The following CYRIB variants were observed in gnomAD, a reference collection of about 807,000 sequenced individuals.
The protein encoded by CYRIB is CYFIP related Rac1 interactor B.
CYRIB carries 8 observed loss-of-function variants against 44.2 expected under a neutral mutation model. The observed-to-expected ratio is 0.18, with a 90% CI of 0.11 to 0.33. The LOEUF (loss-of-function observed/expected upper bound fraction) is 0.33. Among genes scored for constraint, CYRIB ranks in the 10% least tolerant of loss-of-function variants. The probability of loss-of-function intolerance (pLI) is 1.00; values close to 1 mark genes in which losing one functional copy is unlikely to be tolerated. For missense variants in CYRIB, 185 were observed against 382.8 expected, an observed-to-expected ratio of 0.48 and a Z score of 4.31; for synonymous variants, 131 against 127.2, an observed-to-expected ratio of 1.03 and a Z score of -0.20.
chr8:129,939,940 TCCGCCCCTCATCC>T (rs1254011753), upstream of CYRIB: 1 of 152,102 alleles, frequency 6.6e-6, no homozygotes, highest in Admixed American at 6.5e-5. Context: ...GCCTATCTTC[TCCGCCCCTCATCC>T]CCGCCCCTCC....
At chr8:129,863,005 T>A (rs1356171176) in intron 4 of CYRIB, among the ~76,000 whole-genome samples, 1 of 152,062 alleles carries the variant, frequency 6.6e-6, no homozygotes. Context: ...GCCCAGCAGA[T>A]CCACAAAAAA....
At chr8:129,873,076 A>C (rs932699557) in intron 3 of CYRIB, among the ~76,000 whole-genome samples, 1 of 152,026 alleles carries the variant, frequency 6.6e-6, no homozygotes, top group East Asian at 1.9e-4. Flanking sequence ...CAAATTTTAA[A>C]CTCAACATAT....
At chr8:130,006,848 T>C (rs577213148) in intron 1 of CYRIB, among the ~76,000 whole-genome samples, 44 of 150,910 alleles carry the variant, frequency 2.9e-4, no homozygotes, top group Non-Finnish European at 5.0e-4. Flanking sequence ...ATAAATCCTA[T>C]GTGCACCTTA....
At chr8:129,934,775 TGA>T (rs1211101864) in intron 1 of CYRIB, among the ~76,000 whole-genome samples, 8 of 152,172 alleles carry the variant, frequency 5.3e-5, no homozygotes, top group African/African-American at 1.9e-4. Context: ...CAAACCTTCA[TGA>T]TTTTGCAGGA....
chr8:130,001,525 CTTT>C (rs1325066581), intron 1 of CYRIB, among the ~76,000 whole-genome samples: 1 of 120,344 alleles, frequency 8.3e-6, no homozygotes. Flanking sequence ...AAAATAATTT[CTTT>C]TTTTTTTTTT....
chr8:129,897,399 A>G (rs982062184), intron 2 of CYRIB, among the ~76,000 whole-genome samples: 4 of 152,212 alleles, frequency 2.6e-5, no homozygotes, highest in Middle Eastern at 3.4e-3. Context: ...CCCATTTGTT[A>G]ACATCTCCTC....
chr8:129,904,320 C>T (rs1029821353), intron 1 of CYRIB, among the ~76,000 whole-genome samples, 179 bp downstream of exon 3: 1 of 152,128 alleles, frequency 6.6e-6, no homozygotes, highest in Non-Finnish European at 1.5e-5. Flanking sequence ...GAGATATAAA[C>T]AAACCTGAAA....
chr8:129,993,220 C>T (rs1175828920), intron 1 of CYRIB, among the ~76,000 whole-genome samples: 1 of 151,136 alleles, frequency 6.6e-6, no homozygotes, highest in African/African-American at 2.4e-5. Flanking sequence ...GTGAAACCCC[C>T]GTGCCTACTG....
intron 2 of CYRIB, among the ~76,000 whole-genome samples, chr8:129,970,351 A>G (rs1202612361): frequency 6.6e-6 from 1 of 151,828 alleles, no homozygotes; most frequent in Non-Finnish European, 1.5e-5. Context: ...AGGCTCCAAG[A>G]GTCAATGGTT....
intron 1 of CYRIB, among the ~76,000 whole-genome samples, chr8:130,014,229 C>T (rs963865969): frequency 1.3e-5 from 2 of 152,080 alleles, no homozygotes; most frequent in African/African-American, 4.8e-5. Flanking sequence ...TCCCTTGAGC[C>T]CAGGAGTTCG....
At chr8:129,938,716 A>G (rs1350521592) in intron 1 of CYRIB, among the ~76,000 whole-genome samples, 1 of 152,224 alleles carries the variant, frequency 6.6e-6, no homozygotes, top group Non-Finnish European at 1.5e-5. Context: ...TCAAGGGGCC[A>G]AGTGAGGAGG....
At chr8:129,990,497 C>A (rs555810817) in intron 1 of CYRIB, among the ~76,000 whole-genome samples, 1 of 147,298 alleles carries the variant, frequency 6.8e-6, no homozygotes, top group Non-Finnish European at 1.5e-5. Context: ...TGTGTGTATG[C>A]GTGTGTGTGT....
At chr8:129,976,771 T>C (rs2095938642) in intron 1 of CYRIB, among the ~76,000 whole-genome samples, 2 of 152,158 alleles carry the variant, frequency 1.3e-5, no homozygotes, top group Non-Finnish European at 1.5e-5. Flanking sequence ...AAAAAAGAAA[T>C]AGAATTTCTG....
chr8:129,980,240 AAAAAAAGAAAAG>A (rs1230017708), intron 1 of CYRIB, among the ~76,000 whole-genome samples: 2 of 151,314 alleles, frequency 1.3e-5, no homozygotes, highest in African/African-American at 2.4e-5. Context: ...AAAAAAAAAA[AAAAAAAGAAAAG>A]AAAAAAGAAA....
At chr8:129,896,554 T>C (rs1375305673) in intron 2 of CYRIB, 1 of 152,026 alleles carries the variant, frequency 6.6e-6, no homozygotes, top group Non-Finnish European at 1.5e-5. Flanking sequence ...TCCTTAAAAA[T>C]CCTGATGACC....
intron 10 of CYRIB, among the ~76,000 whole-genome samples, chr8:129,848,955 C>A (rs1333436078): frequency 6.6e-6 from 1 of 152,176 alleles, no homozygotes; most frequent in Non-Finnish European, 1.5e-5. Flanking sequence ...GGATATGACT[C>A]AAAATTCCTT....
At chr8:129,902,183 T>C (rs2135727590) in intron 2 of CYRIB, among the ~76,000 whole-genome samples, 1 of 152,210 alleles carries the variant, frequency 6.6e-6, no homozygotes, top group East Asian at 1.9e-4. Flanking sequence ...TTGTACCAGC[T>C]CTAATAAAAT....
intron 1 of CYRIB, among the ~76,000 whole-genome samples, chr8:129,934,273 T>C (rs1472926739): frequency 1.3e-5 from 2 of 152,118 alleles, no homozygotes; most frequent in African/African-American, 4.8e-5. Flanking sequence ...ATGTTCCTAT[T>C]TCGAGGTGGG....
chr8:129,946,705 G>A (rs16904179), intron 2 of CYRIB, among the ~76,000 whole-genome samples: 10,203 of 152,164 alleles, frequency 0.067, 530 homozygotes, highest in East Asian at 0.26. Flanking sequence ...TATTTCCCCC[G>A]AGTTATAAGG....
Sources: allele counts gnomAD v4.1 joint callset (sites outside exome capture counted in the v4.1 genomes callset), GRCh38; gene constraint gnomAD v4.1.1; transcripts MANE v1.5; gene names NCBI Gene and HGNC (gene_info 2026-07-23, HGNC 2026-07-21).